ARSG: variants seen among roughly 807,000 people sequenced by gnomAD.
ARSG encodes the protein ASG.
ARSG carries 37 observed loss-of-function variants against 50.5 expected under a neutral mutation model. The ratio of observed to expected loss-of-function variants is 0.73; its 90% CI spans 0.56 to 0.96. ARSG has a LOEUF of 0.96. Ranked by LOEUF, ARSG falls within the 50% of genes least tolerant of loss-of-function variation. The pLI, the probability that ARSG is intolerant of heterozygous loss-of-function variation, is 0.00. For synonymous variants in ARSG, 225 were observed against 254.6 expected, an observed-to-expected ratio of 0.88 and a Z score of 1.11; for missense variants, 629 against 675.3, an observed-to-expected ratio of 0.93 and a Z score of 0.76.
At chr17:68,434,532 A>G in the ARSG span, 1 of 1,612,836 alleles carries the variant, frequency 6.2e-7, no homozygotes, top group African/African-American at 1.3e-5. Context: ...GGACTTTAAA[A>G]TGGGTTTGAC....
chr17:68,309,716 G>A (rs549422501), intron 2 of ARSG, among the ~76,000 whole-genome samples: 3 of 151,844 alleles, frequency 2.0e-5, no homozygotes, highest in Non-Finnish European at 2.9e-5. Flanking sequence ...AAATGTAGCC[G>A]GGCGCAGTGG....
At chr17:68,263,972 C>T (rs1351968656) in intron 1 of ARSG, among the ~76,000 whole-genome samples, 8 of 152,148 alleles carry the variant, frequency 5.3e-5, no homozygotes, top group African/African-American at 1.7e-4. Flanking sequence ...CTTCTCCTGC[C>T]TCAGCCCCCC....
intron 2 of ARSG, among the ~76,000 whole-genome samples, chr17:68,342,972 T>A (rs1435599821): frequency 1.3e-5 from 2 of 152,176 alleles, no homozygotes; most frequent in African/African-American, 4.8e-5. Context: ...AGTATTGATT[T>A]TGGGATTAAA....
At chr17:68,374,448 A>T (rs2080042184) in intron 8 of ARSG, among the ~76,000 whole-genome samples, 1 of 152,210 alleles carries the variant, frequency 6.6e-6, no homozygotes. Flanking sequence ...CTCCTATCTG[A>T]GGACTTGCCT....
chr17:68,311,442 C>A (rs782558448), intron 2 of ARSG, among the ~76,000 whole-genome samples: 1 of 152,158 alleles, frequency 6.6e-6, no homozygotes, highest in Non-Finnish European at 1.5e-5. Context: ...GAATAGCATC[C>A]TCCCTAAATT....
chr17:68,434,317 CCA>C, the ARSG span, among the ~76,000 whole-genome samples: 4 of 152,258 alleles, frequency 2.6e-5, no homozygotes, highest in Non-Finnish European at 4.4e-5. Flanking sequence ...TGCCGGCCGC[CCA>C]CACACACATC....
downstream of ARSG, among the ~76,000 whole-genome samples, chr17:68,423,135 T>TC (rs2082919715): frequency 6.6e-6 from 1 of 152,178 alleles, no homozygotes; most frequent in African/African-American, 2.4e-5. The surrounding 1 kb of genome is among the most constrained non-coding windows in gnomAD (Gnocchi z 4.4). Context: ...AAGCTGAGAC[T>TC]CCAAGAGCCT....
chr17:68,318,259 A>G (rs2077149830), intron 2 of ARSG, among the ~76,000 whole-genome samples: 1 of 152,218 alleles, frequency 6.6e-6, no homozygotes, highest in East Asian at 1.9e-4. Flanking sequence ...ATTAGTTAAG[A>G]TAACTCTGAG....
chr17:68,420,161 G>A (rs184587626), intron 11 of ARSG, 28 bp from the exon 12 acceptor site: 32 of 1,610,330 alleles, frequency 2.0e-5, no homozygotes, highest in Admixed American at 1.2e-4. Flanking sequence ...CAGGGTTAGC[G>A]AGGCATTTGT....
At chr17:68,340,246 T>C (rs761869597) in intron 2 of ARSG, among the ~76,000 whole-genome samples, 2 of 152,176 alleles carry the variant, frequency 1.3e-5, no homozygotes, top group Non-Finnish European at 2.9e-5. Context: ...TAATGGATTT[T>C]TATTTATTCA....
At chr17:68,289,817 A>G (rs1335465924), upstream of ARSG, among the ~76,000 whole-genome samples, 2 of 152,048 alleles carry the variant, frequency 1.3e-5, no homozygotes, top group Non-Finnish European at 2.9e-5. Flanking sequence ...CAGAAGGAAA[A>G]CTCAGGGTTA....
intron 11 of ARSG, among the ~76,000 whole-genome samples, chr17:68,411,425 T>C (rs1290640566): frequency 2.6e-5 from 4 of 152,242 alleles, no homozygotes; most frequent in Non-Finnish European, 5.9e-5. Flanking sequence ...TCCATGTAGT[T>C]GAGCGGTTTT....
upstream of ARSG, among the ~76,000 whole-genome samples, chr17:68,290,162 T>C (rs2145214509): frequency 6.6e-6 from 1 of 152,104 alleles, no homozygotes; most frequent in Non-Finnish European, 1.5e-5. Context: ...TGGCACGGAG[T>C]GTCTAACCGT....
intron 1 of ARSG, among the ~76,000 whole-genome samples, chr17:68,261,273 C>T (rs1345081617): frequency 1.3e-5 from 2 of 152,198 alleles, no homozygotes; most frequent in African/African-American, 4.8e-5. Context: ...CTACTGGGTG[C>T]CAGGCCCTGC....
At chr17:68,423,573 A>C (rs907408212), downstream of ARSG, among the ~76,000 whole-genome samples, 28 of 152,200 alleles carry the variant, frequency 1.8e-4, no homozygotes, top group Admixed American at 7.2e-4. The surrounding 1 kb of genome is among the most constrained non-coding windows in gnomAD (Gnocchi z 4.4). Flanking sequence ...TTTCTTGCGT[A>C]TAAATAAGAA....
rs553150874 is a variant in ARSG, at chr17:68,272,907, G to C, written c.-552+13481G>C. ...GCCAAGTAATTCATTCTGGACAAAG[G>C]TGATGTTGCAAAGAAAAATGGGTTT... On this transcript the variant is annotated intron_variant, in intron 1 of 11. Transcript: ENST00000448504. 1.5e-5 allele frequency: 15 copies of C among 1,000,348 alleles called. 1 individual carries two copies. Among genetic ancestry groups the C allele is most frequent in the Admixed American group, 8.5e-5 (3 of 35,412 alleles). 62.0% of individuals were successfully genotyped at this position (1,000,348 alleles called of 1,614,324 possible). A position where few individuals can be genotyped will look rare whatever the true frequency, so the allele number is the denominator to read the frequency against.
the ARSG span, among the ~76,000 whole-genome samples, chr17:68,431,199 GC>G: frequency 1.3e-4 from 20 of 152,336 alleles, no homozygotes; most frequent in African/African-American, 4.8e-4. Context: ...AATATGCGGT[GC>G]TGCACAGATG....
chr17:68,361,150 A>C (rs2146570343), intron 6 of ARSG, among the ~76,000 whole-genome samples: 1 of 152,138 alleles, frequency 6.6e-6, no homozygotes, highest in African/African-American at 2.4e-5. Context: ...CAAACAAATC[A>C]ATCTTCCATG....
chr17:68,296,031 C>T (rs2076194559), intron 1 of ARSG, among the ~76,000 whole-genome samples: 1 of 152,086 alleles, frequency 6.6e-6, no homozygotes, highest in African/African-American at 2.4e-5. Flanking sequence ...GCTGTCACAC[C>T]ACTGCACTTC....
Sources: gnomAD v4.1 joint callset for allele counts (sites outside exome capture counted in the v4.1 genomes callset) on GRCh38, gnomAD v4.1.1 for gene constraint, Gnocchi (gnomAD v3.1) non-coding constraint, MANE v1.5 for transcripts, NCBI Gene and HGNC (gene_info 2026-07-23, HGNC 2026-07-21) for gene names.